The following FCSK variants were observed in gnomAD, a reference collection of about 807,000 sequenced individuals.
The protein encoded by FCSK is fucose kinase.
Under a neutral mutation model 122.5 loss-of-function variants are expected in FCSK, and 123 were observed. The ratio of observed to expected loss-of-function variants is 1.00; its 90% CI spans 0.87 to 1.17. FCSK has a LOEUF of 1.17. Among genes scored for constraint, FCSK ranks in the 50% most tolerant of loss-of-function variants. The pLI, the probability that FCSK is intolerant of heterozygous loss-of-function variation, is 0.00. For synonymous variants in FCSK, 620 were observed against 625.5 expected (o/e 0.99, Z 0.13); for missense variants, 1,366 against 1,450.4 (o/e 0.94, Z 0.95).
rs2151724400 is a variant in FCSK, at chr16:70,473,522, G to A, written c.1777+169G>A. Among the ~76,000 whole-genome samples, 1 of 152,290 alleles carries A rather than the reference G, an allele frequency of 6.6e-6. No homozygotes were observed. Among genetic ancestry groups the A allele is most frequent in the East Asian group, 1.9e-4 (1 of 5,156 alleles). Reference sequence around the variant, plus strand: ...TGGAAGGCCTCATCCTTGTCAATGGGGTTTGGTCTGAGGTTGAGGCATGTT... The same window carrying A: ...TGGAAGGCCTCATCCTTGTCAATGGAGTTTGGTCTGAGGTTGAGGCATGTT... On this transcript the variant is annotated intron_variant, in intron 15 of 23. Transcript: ENST00000288078. This position sits in a 1 kb window ranked among gnomAD's most constrained non-coding sequence, Gnocchi z 4.9.
intron 19 of FCSK, 36 bp downstream of exon 19, chr16:70,475,529 T>A (rs2048779975): frequency 6.3e-7 from 1 of 1,598,412 alleles, no homozygotes; most frequent in East Asian, 2.2e-5. Context: ...CCACCGACTG[T>A]TACAGCCCTC....
Position 70,479,287 on chromosome 16 carries a change from G to GC in FCSK, c.3043dup (p.His1015ProfsTer48), listed in dbSNP as rs754711319. On this transcript the variant is annotated frameshift_variant, in exon 23 of 24. Coordinates refer to ENST00000288078, the MANE Select transcript of FCSK (RefSeq NM_145059.3). LOFTEE classifies it high-confidence loss of function. ...TGTGCGGCGTATGATGGATGTCCTG[G>GC]CCCCCCACGTGCATGGCCAGAGCCT... 4 of 1,613,856 alleles carry GC rather than the reference G, an allele frequency of 2.5e-6. No individual in the cohort carries two copies. The highest frequency in any genetic ancestry group is 1.1e-5 in the South Asian group (1 of 91,080).
In FCSK at chr16:70,467,901, A is replaced by T. The variant is rs777293179; in HGVS notation, c.598A>T (p.Ile200Phe). ...CTGCACATAGGGCCTTGTTTTGGACATTTACTACCAGGGCACTGAGGCAGA... is the reference window on the plus strand; with the variant it reads ...CTGCACATAGGGCCTTGTTTTGGACTTTTACTACCAGGGCACTGAGGCAGA... ...LTDPQGLVLD[I>F]YYQGTEAEIQ... The change falls in exon 8 of 24, where the codon ATT (isoleucine) becomes TTT (phenylalanine). Residue 200 changes from isoleucine (I) to phenylalanine (F), a missense_variant. Transcript: ENST00000288078. 6.2e-7 allele frequency: 1 copy of T among 1,614,022 alleles called. No individual in the cohort carries two copies. The highest frequency in any genetic ancestry group is 8.5e-7 in the Non-Finnish European group (1 of 1,179,952).
rs577792033 is a variant in FCSK at position 70,473,129 on chromosome 16, C to T, written c.1553C>T (p.Ala518Val). ...GACCACCAGGAGGATGGGGGCGAGG[C>T]CCTGCGAGCCTGGCGGGCCTCCTGG... ...MLDHQEDGGE[A>V]LRAWRASWRL... Residue 518 changes from alanine to valine, a missense_variant, in exon 15 of 24, where the codon GCC (alanine) becomes GTC (valine). Coordinates refer to ENST00000288078, the MANE Select transcript of FCSK (RefSeq NM_145059.3). This position sits in a 1 kb window ranked among gnomAD's most constrained non-coding sequence, Gnocchi z 4.9. 43 of 1,572,004 alleles carry T rather than the reference C, an allele frequency of 2.7e-5. No individual in the cohort carries two copies. In the South Asian group the frequency reaches 4.4e-4, roughly 16 times the overall value.
chr16:70,467,374 G>GT lies in FCSK; in HGVS notation c.486dup (p.Ile163TyrfsTer30). The GT allele has an allele frequency of 6.2e-7, 1 of 1,605,056 alleles. No homozygotes were observed. Among genetic ancestry groups the GT allele is most frequent in the Non-Finnish European group, 8.5e-7 (1 of 1,176,098 alleles). ...GCCTCCTGACTGCCCCACCCCACAG[G>GT]TATCAGCTGGGACAGCTTCCGGGGA... On this transcript the variant is annotated frameshift_variant and splice_region_variant, in exon 7 of 24. Coordinates refer to ENST00000288078, the MANE Select transcript of FCSK (RefSeq NM_145059.3). LOFTEE classifies it high-confidence loss of function.
At chr16:70,468,060 A>G (rs1017585198) in intron 8 of FCSK, 94 bp downstream of exon 8, 5 of 903,444 alleles carry the variant, frequency 5.5e-6, no homozygotes, top group Admixed American at 1.9e-5. Flanking sequence ...AGAAGCCTCC[A>G]GGACAAGCTA....
In FCSK at chr16:70,467,497, C is replaced by T. The variant is rs17884111; in HGVS notation, c.582+26C>T. Reference sequence around the variant, plus strand: ...GTAGTGCCCCTGGGGACAGTGGAGCCGGCTGGGGCAGCCTTCCTCCTGTCA... The same window carrying T: ...GTAGTGCCCCTGGGGACAGTGGAGCTGGCTGGGGCAGCCTTCCTCCTGTCA... On this transcript the variant is annotated intron_variant, in intron 7 of 23. Coordinates refer to ENST00000288078, the MANE Select transcript of FCSK (RefSeq NM_145059.3). 1.4e-3 allele frequency: 2,088 copies of T among 1,542,126 alleles called. 26 individuals are homozygous for T. The African/African-American group carries it at 0.024, about 18-fold the overall frequency.
intron 22 of FCSK, 112 bp downstream of exon 22, chr16:70,478,762 TC>T (rs1426022040): frequency 2.3e-6 from 2 of 878,926 alleles, no homozygotes; most frequent in Non-Finnish European, 3.7e-6. Flanking sequence ...ATATTCGGCC[TC>T]TGGGAACAGA....
In FCSK at chr16:70,469,320, A is replaced by T; in HGVS notation, c.952A>T (p.Met318Leu). Residue 318 changes from methionine to leucine, a missense_variant, in exon 10 of 24, where the codon ATG becomes TTG. Physicochemically the swap from Met to Leu is conservative, Grantham distance 15. Coordinates refer to ENST00000288078, the MANE Select transcript of FCSK (RefSeq NM_145059.3). ...WRELRDQPLTMAYVSSGSYSY... is the reference protein window; with the variant it reads ...WRELRDQPLTLAYVSSGSYSY... ...GGAGCTTCGCGATCAGCCCCTTACC[A>T]TGGGTGGGTACTGCCTCTCAGCTCC... The T allele has an allele frequency of 1.3e-6, 2 of 1,592,244 alleles. No individual in the cohort carries two copies. Among genetic ancestry groups the T allele is most frequent in the South Asian group, 2.3e-5 (2 of 88,376 alleles).
At chr16:70,467,602 C>G in intron 7 of FCSK, 131 bp downstream of exon 7, 1 of 743,332 alleles carries the variant, frequency 1.3e-6, no homozygotes, top group South Asian at 1.8e-5. Flanking sequence ...GGAGTTTCCT[C>G]CGTGGCAGTG....
chr16:70,463,354 C>G, intron 2 of FCSK, 82 bp downstream of exon 2: 1 of 1,246,116 alleles, frequency 8.0e-7, no homozygotes, highest in Non-Finnish European at 1.2e-6. Flanking sequence ...CACCAGGTGC[C>G]AGGCCAACCT....
chr16:70,469,681 G>GT (rs2048548288), intron 10 of FCSK, among the ~76,000 whole-genome samples: 2 of 152,024 alleles, frequency 1.3e-5, no homozygotes. Flanking sequence ...AGCCTCCTGC[G>GT]TACCTGGGAT....
rs2048783917 is a variant in FCSK at position 70,475,644 on chromosome 16, G to GC, written c.2522-3dup. On this transcript the variant is annotated splice_polypyrimidine_tract_variant and splice_region_variant and intron_variant, in intron 19 of 23. Transcript: ENST00000288078. Reference sequence around the variant, plus strand: ...ATGTCTGCTCTCTCCTCTCCGCCCTGCAGGCACCAGCAGCATCCTGGCAGG... The same window carrying GC: ...ATGTCTGCTCTCTCCTCTCCGCCCTGCCAGGCACCAGCAGCATCCTGGCAGG... The GC allele has an allele frequency of 1.3e-6, 2 of 1,587,152 alleles. No individual in the cohort carries two copies. Among genetic ancestry groups the GC allele is most frequent in the African/African-American group, 2.7e-5 (2 of 74,528 alleles).
In FCSK at chr16:70,470,376, C is replaced by G; in HGVS notation, c.1018C>G (p.Leu340Val). 6.2e-7 allele frequency: 1 copy of G among 1,613,982 alleles called. No individual in the cohort carries two copies. Among genetic ancestry groups the G allele is most frequent in the Non-Finnish European group, 8.5e-7 (1 of 1,179,996 alleles). ...TSSASEFLLS[L>V]TLPGAPGAQI... ...CTCAGCCAGTGAGTTCCTGCTCAGCCTCACACTCCCCGGGGCTCCTGGGGC... is the reference window on the plus strand; with the variant it reads ...CTCAGCCAGTGAGTTCCTGCTCAGCGTCACACTCCCCGGGGCTCCTGGGGC... Residue 340 changes from leucine (L) to valine (V), a missense_variant, in exon 11 of 24, where the codon CTC becomes GTC. Coordinates refer to ENST00000288078, the MANE Select transcript of FCSK (RefSeq NM_145059.3).
chr16:70,471,444 A>G, intron 13 of FCSK, 92 bp downstream of exon 13: 1 of 1,311,706 alleles, frequency 7.6e-7, no homozygotes, highest in Non-Finnish European at 1.0e-6. Context: ...GGGTTCTCTG[A>G]GCACTGGCCC....
chr16:70,459,988 G>C (rs13339593), intron 1 of FCSK, among the ~76,000 whole-genome samples: 18,216 of 151,828 alleles, frequency 0.12, 3,631 homozygotes, highest in African/African-American at 0.41. Context: ...TTTTAGTAGA[G>C]ATGGGGTTTC....
At chr16:70,458,672 T>G (rs1286671795) in intron 1 of FCSK, among the ~76,000 whole-genome samples, 2 of 151,944 alleles carry the variant, frequency 1.3e-5, no homozygotes, top group Non-Finnish European at 2.9e-5. Context: ...GGTCTCGAAC[T>G]CCTGACCTCA....
rs574122627 is a variant in FCSK, at chr16:70,459,379, A to G, written c.-22-3790A>G. Among the ~76,000 whole-genome samples, 14 of 152,088 alleles carry G rather than the reference A, an allele frequency of 9.2e-5. No individual in the cohort carries two copies. In the South Asian group the frequency reaches 2.1e-3, roughly 23 times the overall value. ...TGGTGAAACCCTGTCTTTACTAAAA[A>G]TACAAAAATTAGTCAGGCGTGGTGG... is the stretch of plus-strand genomic sequence containing the variant. On this transcript the variant is annotated intron_variant, in intron 1 of 23. Transcript: ENST00000288078.
intron 19 of FCSK, 43 bp from the exon 20 acceptor site, chr16:70,475,605 G>C: frequency 6.3e-7 from 1 of 1,575,062 alleles, no homozygotes; most frequent in Non-Finnish European, 8.6e-7. Context: ...GCCTGGGCAG[G>C]GTGGAGGTGT....
Sources: allele counts gnomAD v4.1 joint callset (sites outside exome capture counted in the v4.1 genomes callset), GRCh38; gene constraint gnomAD v4.1.1; non-coding constraint Gnocchi (gnomAD v3.1); transcripts MANE v1.5; gene names NCBI Gene and HGNC (gene_info 2026-07-23, HGNC 2026-07-21).